SV2B: variants seen among roughly 807,000 people sequenced by gnomAD.
SV2B encodes the protein solute carrier family 22 member B2.
In SV2B, 41 loss-of-function variants were observed where a neutral mutation model predicts 73.9. The observed-to-expected ratio is 0.56, with a 90% CI of 0.43 to 0.72. The LOEUF is 0.72. SV2B is among the 30% of genes least tolerant of loss of function. The pLI, the probability that SV2B is intolerant of heterozygous loss-of-function variation, is 0.00. For synonymous variants in SV2B, 314 were observed against 314.2 expected (o/e 1.00, Z 0.01); for missense variants, 764 against 857.8 (o/e 0.89, Z 1.37).
chr15:91,281,736 G>C lies in SV2B; in HGVS notation c.1382G>C (p.Arg461Thr), dbSNP rs749765911. 8 of 1,604,336 alleles carry C rather than the reference G, an allele frequency of 5.0e-6. No homozygotes were observed. Among genetic ancestry groups the C allele is most frequent in the Admixed American group, 1.7e-5 (1 of 59,792 alleles). The change falls in exon 10 of 13, where the codon AGA becomes ACA. Residue 461 changes from arginine to threonine, a missense_variant. Transcript: ENST00000394232. This position sits in a 1 kb window ranked among gnomAD's most constrained non-coding sequence, Gnocchi z 4.7. The stretch of plus-strand genomic sequence containing the variant: ...TCAACCTCTTCCCACAGGTTCACAA[G>C]AATGTACTTTAAACATGTACTCTTT... ...HGKLVNDKFT[R>T]MYFKHVLFED...
chr15:91,246,741 CCTCCTCCTTCTT>C (rs966857453), intron 2 of SV2B, among the ~76,000 whole-genome samples: 9 of 151,852 alleles, frequency 5.9e-5, no homozygotes, highest in African/African-American at 2.2e-4. Flanking sequence ...TCCTCCTCCT[CCTCCTCCTTCTT>C]CTCCTCTTCC....
intron 1 of SV2B, among the ~76,000 whole-genome samples, chr15:91,165,544 T>G (rs577512308): frequency 6.6e-6 from 1 of 152,286 alleles, no homozygotes; most frequent in Admixed American, 6.5e-5. Context: ...TATAAAGAAC[T>G]TGAGCATCTG....
Position 91,258,940 on chromosome 15 carries a change from A to AAG in SV2B, c.918+387_918+388insGA, listed in dbSNP as rs1479826081. Among the ~76,000 whole-genome samples the AAG allele has an allele frequency of 6.6e-6, 1 of 151,188 alleles. No homozygotes were observed. Among genetic ancestry groups the AAG allele is most frequent in the African/African-American group, 2.4e-5 (1 of 40,976 alleles). On this transcript the variant is annotated intron_variant, in intron 5 of 12. Coordinates refer to ENST00000394232, the MANE Select transcript of SV2B (RefSeq NM_001323032.3). This position sits in a 1 kb window ranked among gnomAD's most constrained non-coding sequence, Gnocchi z 4.7. Reference sequence around the variant, plus strand: ...CATCTCTACAAAAAAAAAAAAAAAAAAATTAGTTGAGCGATTTGGTGCGTG... The same window carrying AAG: ...CATCTCTACAAAAAAAAAAAAAAAAAAGAATTAGTTGAGCGATTTGGTGCGTG...
intron 1 of SV2B, among the ~76,000 whole-genome samples, chr15:91,210,462 G>C (rs562787586): frequency 6.6e-6 from 1 of 152,142 alleles, no homozygotes; most frequent in Admixed American, 6.5e-5. Context: ...GGGCAGGGTA[G>C]TTTCAAGAAA....
rs147276684 is a variant in SV2B, at chr15:91,108,758, C to T, written c.-392+8395C>T. Among the ~76,000 whole-genome samples, 278 of 152,306 alleles carry T rather than the reference C, an allele frequency of 1.8e-3. 2 individuals are homozygous for T. Among genetic ancestry groups the T allele is most frequent in the African/African-American group, 6.3e-3 (263 of 41,560 alleles). On this transcript the variant is annotated intron_variant, in intron 1 of 12. Transcript: ENST00000394232. ...TATACTCAGCTTTCCCTTTAAGCCC[C>T]CAGTTACATCGTCAGCAAAGCCAAA... is the stretch of plus-strand genomic sequence containing the variant.
chr15:91,198,455 A>ATGTGTG (rs5814467), intron 1 of SV2B, among the ~76,000 whole-genome samples: 22,096 of 136,672 alleles, frequency 0.16, 1,933 homozygotes, highest in Non-Finnish European at 0.2. Flanking sequence ...AAGCACGTGT[A>ATGTGTG]TGTGTGTGTG....
intron 1 of SV2B, among the ~76,000 whole-genome samples, chr15:91,210,651 T>G (rs1336914433): frequency 6.6e-6 from 1 of 152,202 alleles, no homozygotes; most frequent in Non-Finnish European, 1.5e-5. Context: ...CCTACATCTG[T>G]ATCCACAAAG....
Position 91,121,593 on chromosome 15 carries a change from A to C in SV2B, c.-392+21230A>C, listed in dbSNP as rs1366506385. ...GACTTGACATGTGGGCAAACCGAGCAGGGCACCCATTAGCTGGAAGGGAAG... is the reference window on the plus strand; with the variant it reads ...GACTTGACATGTGGGCAAACCGAGCCGGGCACCCATTAGCTGGAAGGGAAG... On this transcript the variant is annotated intron_variant, in intron 1 of 12. Coordinates refer to ENST00000394232, the MANE Select transcript of SV2B (RefSeq NM_001323032.3). This position sits in a 1 kb window ranked among gnomAD's most constrained non-coding sequence, Gnocchi z 4.4. Among the ~76,000 whole-genome samples, 1 of 151,952 alleles carries C rather than the reference A, an allele frequency of 6.6e-6. No homozygotes were observed. Among genetic ancestry groups the C allele is most frequent in the African/African-American group, 2.4e-5 (1 of 41,322 alleles).
intron 2 of SV2B, among the ~76,000 whole-genome samples, chr15:91,249,206 A>C (rs17642609): frequency 0.021 from 3,207 of 152,256 alleles, 70 homozygotes; most frequent in East Asian, 0.095. Context: ...ACTTACAAGA[A>C]GTTGCCCGAA....
chr15:91,286,947 A>G (rs2048880180), intron 11 of SV2B, among the ~76,000 whole-genome samples: 1 of 152,152 alleles, frequency 6.6e-6, no homozygotes, highest in Admixed American at 6.5e-5. Context: ...GATGTGTCAG[A>G]TCATCATGTT....
rs1264715936 is a variant in SV2B at position 91,288,772 on chromosome 15, G to C, written c.1709-749G>C. Among the ~76,000 whole-genome samples, 2 of 151,986 alleles carry C rather than the reference G, an allele frequency of 1.3e-5. No individual in the cohort carries two copies. The highest frequency in any genetic ancestry group is 4.8e-5 in the African/African-American group (2 of 41,372). ...GGCTCACTGCAACCTCTGCCTCCCAGCTTCAAATAATTCTCGTGCCTCAGC... is the reference window on the plus strand; with the variant it reads ...GGCTCACTGCAACCTCTGCCTCCCACCTTCAAATAATTCTCGTGCCTCAGC... On this transcript the variant is annotated intron_variant, in intron 11 of 12. Transcript: ENST00000394232. The surrounding 1 kb of genome is among the most constrained non-coding windows in gnomAD (Gnocchi z 5.8).
chr15:91,201,014 T>A lies in SV2B; in HGVS notation c.-391-24859T>A, dbSNP rs1463978202. Among the ~76,000 whole-genome samples, 4 of 152,236 alleles carry A rather than the reference T, an allele frequency of 2.6e-5. No homozygotes were observed. The East Asian group carries it at 7.7e-4, about 29-fold the overall frequency. On this transcript the variant is annotated intron_variant, in intron 1 of 12. Coordinates refer to ENST00000394232, the MANE Select transcript of SV2B (RefSeq NM_001323032.3). Reference sequence around the variant, plus strand: ...TCTGAAAGGATTAATACATGTGTCATAAGATAACCATTTTATGTTTGGCTT... The same window carrying A: ...TCTGAAAGGATTAATACATGTGTCAAAAGATAACCATTTTATGTTTGGCTT...
rs560018134 is a variant in SV2B at position 91,299,319 on chromosome 15, A to C, written c.*6767A>C. On this transcript the variant is annotated 3_prime_UTR_variant, in exon 13 of 13. Coordinates refer to ENST00000394232, the MANE Select transcript of SV2B (RefSeq NM_001323032.3). ...TAAAACATTCCTCCAAAAGAACGGC[A>C]AAGCAAATCCCATAGACACCCAAAA... is the stretch of plus-strand genomic sequence containing the variant. The C allele has an allele frequency of 6.6e-6, 1 of 152,234 alleles. No homozygotes were observed. The highest frequency in any genetic ancestry group is 1.5e-5 in the Non-Finnish European group (1 of 68,048). The allele number at this position is 152,234 out of a possible 1,614,324, so 9.4% of individuals were successfully genotyped here.
At chr15:91,168,054 C>T (rs1293020842) in intron 1 of SV2B, among the ~76,000 whole-genome samples, 1 of 152,012 alleles carries the variant, frequency 6.6e-6, no homozygotes, top group African/African-American at 2.4e-5. Context: ...TAGTTCAGTT[C>T]CCAGAGGTTT....
chr15:91,221,693 G>GCGCGCGCGCGCGCGCA (rs370290337), intron 1 of SV2B, among the ~76,000 whole-genome samples: 31 of 140,158 alleles, frequency 2.2e-4, no homozygotes, highest in African/African-American at 8.4e-4. Flanking sequence ...AAGCATGTGC[G>GCGCGCGCGCGCGCGCA]CACACACACA....
chr15:91,158,680 T>TTCCCTTCCCTTCC (rs2043584933), intron 1 of SV2B, among the ~76,000 whole-genome samples: 1 of 61,168 alleles, frequency 1.6e-5, no homozygotes, highest in African/African-American at 6.6e-5. Flanking sequence ...TCTTCTCTTC[T>TTCCCTTCCCTTCC]CTTCTCTTCT....
chr15:91,158,686 C>G (rs189434731), intron 1 of SV2B, among the ~76,000 whole-genome samples: 1 of 81,894 alleles, frequency 1.2e-5, no homozygotes, highest in Non-Finnish European at 2.5e-5. Flanking sequence ...CTTCTCTTCT[C>G]TTCTCTTCTC....
intron 1 of SV2B, among the ~76,000 whole-genome samples, chr15:91,190,703 T>C (rs766512348): frequency 3.9e-5 from 6 of 152,230 alleles, no homozygotes; most frequent in Non-Finnish European, 7.3e-5. Context: ...TTCTGGTACA[T>C]TGTAGGATTT....
intron 1 of SV2B, among the ~76,000 whole-genome samples, chr15:91,180,026 G>A (rs2044485104): frequency 1.3e-5 from 2 of 151,500 alleles, no homozygotes; most frequent in African/African-American, 4.9e-5. Flanking sequence ...TGCAGCGGCT[G>A]GTACCGGTTG....
Sources: gnomAD v4.1 joint callset for allele counts (sites outside exome capture counted in the v4.1 genomes callset) on GRCh38, gnomAD v4.1.1 for gene constraint, Gnocchi (gnomAD v3.1) non-coding constraint, MANE v1.5 for transcripts, NCBI Gene and HGNC (gene_info 2026-07-23, HGNC 2026-07-21) for gene names.